Variants in MED12L observed in about 807,000 individuals in gnomAD.
The protein encoded by MED12L is mediator complex subunit 12L, also known as mediator of RNA polymerase II transcription subunit 12-like protein.
A neutral mutation model predicts 281.3 loss-of-function variants in MED12L; 60 were observed. The ratio of observed to expected loss-of-function variants is 0.21; its 90% confidence interval spans 0.17 to 0.26. The LOEUF (loss-of-function observed/expected upper bound fraction) is 0.26. MED12L is among the 10% of genes least tolerant of loss of function. The pLI is 1.00. For synonymous variants in MED12L, 974 were observed against 987.2 expected (o/e 0.99, Z 0.25); for missense variants, 2,146 against 2,680.9 (o/e 0.80, Z 4.41).
chr3:151,319,274 T>G (rs1427007283), intron 16 of MED12L, among the ~76,000 whole-genome samples: 1 of 152,154 alleles, frequency 6.6e-6, no homozygotes, highest in Non-Finnish European at 1.5e-5. Context: ...ACCAGCATAA[T>G]TTTTTTCCTG....
intron 16 of MED12L, among the ~76,000 whole-genome samples, chr3:151,276,165 T>A (rs190574167): frequency 6.6e-6 from 1 of 152,372 alleles, no homozygotes; most frequent in East Asian, 1.9e-4. Flanking sequence ...CAAAACTGAA[T>A]GTGCAACAGA....
At chr3:151,330,184 G>C (rs1324748210) in intron 16 of MED12L, among the ~76,000 whole-genome samples, 2 of 152,164 alleles carry the variant, frequency 1.3e-5, no homozygotes, top group Non-Finnish European at 2.9e-5. Context: ...GTGTTATTAA[G>C]AATGAATTGG....
intron 5 of MED12L, among the ~76,000 whole-genome samples, chr3:151,133,376 C>T (rs558051221): frequency 1.7e-4 from 26 of 152,222 alleles, no homozygotes; most frequent in African/African-American, 6.3e-4. Flanking sequence ...GGTTGCTGCC[C>T]TGGGGAGCTT....
rs1286509603 is a variant in MED12L at position 151,416,486 on chromosome 3, C to T, written c.6408+64C>T. 6.5e-6 allele frequency: 10 copies of T among 1,541,174 alleles called. No individual in the cohort carries two copies. In the Admixed American group the frequency reaches 1.5e-4, roughly 23 times the overall value. ...TTCTTTAAAAGCAGGTTGCATTGTT[C>T]ATGTTCATAAGATTGTTAAGAATCG... On this transcript the variant is annotated intron_variant, in intron 43 of 44. Transcript: ENST00000687756.
In MED12L at chr3:151,436,650, T is replaced by G; in HGVS notation, c.*3846T>G. ...CTTTGATTAAACTTCTTCCAAAAAA[T>G]AAATTCTGCCCAGATGTTGTTGACT... On this transcript the variant is annotated 3_prime_UTR_variant, in exon 45 of 45. Coordinates refer to ENST00000687756, the MANE Select transcript of MED12L (RefSeq NM_001393769.1). 6.2e-6 allele frequency: 9 copies of G among 1,442,140 alleles called. No homozygotes were observed. The highest frequency in any genetic ancestry group is 8.5e-6 in the Non-Finnish European group (9 of 1,062,264). The allele number at this position is 1,442,140 out of a possible 1,614,324, so 89.3% of individuals were successfully genotyped here.
chr3:151,297,665 C>T (rs779979943), intron 16 of MED12L, among the ~76,000 whole-genome samples: 7 of 152,162 alleles, frequency 4.6e-5, no homozygotes, highest in Non-Finnish European at 1.0e-4. Flanking sequence ...GCATACCTAT[C>T]GTGGAGTGCA....
chr3:151,171,992 T>C (rs1183816162), intron 11 of MED12L, among the ~76,000 whole-genome samples: 1 of 152,224 alleles, frequency 6.6e-6, no homozygotes, highest in Non-Finnish European at 1.5e-5. Flanking sequence ...ATTAAAAAGC[T>C]ACTCGGGCAG....
At chr3:151,102,747 A>G (rs1288780225) in intron 2 of MED12L, among the ~76,000 whole-genome samples, 1 of 152,190 alleles carries the variant, frequency 6.6e-6, no homozygotes, top group African/African-American at 2.4e-5. Context: ...TGTTGGGGTT[A>G]TAGACGTGAA....
chr3:151,309,777 C>T lies in MED12L; in HGVS notation c.2251-40282C>T, dbSNP rs912857987. Among the ~76,000 whole-genome samples, 26 of 152,314 alleles carry T rather than the reference C, an allele frequency of 1.7e-4. No homozygotes were observed. In the East Asian group the frequency reaches 2.7e-3, roughly 16 times the overall value. On this transcript the variant is annotated intron_variant, in intron 16 of 44. Transcript: ENST00000687756. Reference sequence around the variant, plus strand: ...TCTCCAGGGTCTAGCAGAGTACCTGCGGGCACAGAGTCAGAGTTCAAAAAC... The same window carrying T: ...TCTCCAGGGTCTAGCAGAGTACCTGTGGGCACAGAGTCAGAGTTCAAAAAC...
At position 151,190,935 on chromosome 3, in the gene MED12L, T is replaced by C. The variant is rs754611662; in HGVS notation, c.1968+4T>C. The C allele has an allele frequency of 6.8e-6, 11 of 1,613,326 alleles. No individual in the cohort carries two copies. Among genetic ancestry groups the C allele is most frequent in the Non-Finnish European group, 9.3e-6 (11 of 1,179,586 alleles). ...GGACCATGATGTGAAAATGGAGGTA[T>C]GGCCCTGGATATGATGCCCCACTCC... On this transcript the variant is annotated splice_donor_region_variant and intron_variant, in intron 14 of 44. Transcript: ENST00000687756.
chr3:151,299,534 A>C (rs899261642), intron 16 of MED12L, among the ~76,000 whole-genome samples: 2 of 149,118 alleles, frequency 1.3e-5, no homozygotes, highest in Admixed American at 1.4e-4. Context: ...GCTGGAGTAC[A>C]GTGGTGCGAT....
chr3:151,369,866 A>T (rs1755969198), intron 26 of MED12L, among the ~76,000 whole-genome samples: 2 of 152,250 alleles, frequency 1.3e-5, no homozygotes, highest in Admixed American at 6.5e-5. Flanking sequence ...CAGAAATCAC[A>T]CTTTGTGAGA....
chr3:151,279,338 G>A (rs537470196), intron 16 of MED12L, among the ~76,000 whole-genome samples: 28 of 152,310 alleles, frequency 1.8e-4, no homozygotes, highest in South Asian at 6.2e-4. Context: ...TGACATGCCC[G>A]TTACTATTCT....
At chr3:151,137,366 C>T (rs1346831015) in intron 5 of MED12L, among the ~76,000 whole-genome samples, 1 of 152,100 alleles carries the variant, frequency 6.6e-6, no homozygotes, top group Non-Finnish European at 1.5e-5. Context: ...TGGGACATCT[C>T]CTTGCTTTCT....
In MED12L at chr3:151,387,864, C is replaced by G. The variant is rs1478176247; in HGVS notation, c.5143C>G (p.Gln1715Glu). Reference protein sequence around the residue: ...KVSPWDLFEGQKNPAPLSWAW... With the variant: ...KVSPWDLFEGEKNPAPLSWAW... ...GTCCCCGTGGGACTTGTTTGAGGGT[C>G]AGAAGAACCCAGCTCCTTTGTCCTG... The change falls in exon 37 of 45, where the codon CAG becomes GAG. Residue 1715 changes from glutamine (Q) to glutamate (E), a missense_variant. Physicochemically the swap from Gln to Glu is conservative, Grantham distance 29 (BLOSUM62 2). Transcript: ENST00000687756. 6.2e-7 allele frequency: 1 copy of G among 1,613,962 alleles called. No homozygotes were observed. Among genetic ancestry groups the G allele is most frequent in the East Asian group, 2.2e-5 (1 of 44,888 alleles).
intron 16 of MED12L, among the ~76,000 whole-genome samples, chr3:151,231,207 A>G (rs1731599176): frequency 6.6e-6 from 1 of 152,224 alleles, no homozygotes; most frequent in Non-Finnish European, 1.5e-5. Context: ...GCTGGCTAGT[A>G]AAGGTAGAAG....
rs754854915 is a variant in MED12L, at chr3:151,122,919, A to G, written c.341A>G (p.His114Arg). Residue 114 changes from histidine (H) to arginine (R), a missense_variant, in exon 4 of 45, where the codon CAT becomes CGT. Physicochemically the swap from His to Arg is conservative, Grantham distance 29 (BLOSUM62 0). Around this residue, in one of 9 missense-constraint regions of MED12L, gnomAD observed 722 missense variants for 861.2 expected, o/e 0.84. Transcript: ENST00000687756. ...ACTGCTCGATCCCAGAGTGCAATTCATAGTTGGTTTTCTGACTTAGCAGGA... is the reference window on the plus strand; with the variant it reads ...ACTGCTCGATCCCAGAGTGCAATTCGTAGTTGGTTTTCTGACTTAGCAGGA... ...LVTARSQSAIHSWFSDLAGNK... is the reference protein window; with the variant it reads ...LVTARSQSAIRSWFSDLAGNK... The G allele has an allele frequency of 1.9e-6, 3 of 1,611,734 alleles. No homozygotes were observed. The highest frequency in any genetic ancestry group is 1.7e-5 in the Admixed American group (1 of 59,626).
At chr3:151,332,566 A>G (rs1369208604) in intron 16 of MED12L, among the ~76,000 whole-genome samples, 4 of 152,356 alleles carry the variant, frequency 2.6e-5, no homozygotes, top group African/African-American at 9.6e-5. Context: ...ATTCACTGCT[A>G]TTTGGAACAT....
chr3:151,250,039 G>A (rs529239662), intron 16 of MED12L, among the ~76,000 whole-genome samples: 31 of 152,210 alleles, frequency 2.0e-4, no homozygotes, highest in Non-Finnish European at 3.5e-4. Flanking sequence ...TCCCTTAAAT[G>A]TGAATCCTCT....
Sources: allele counts gnomAD v4.1 joint callset (sites outside exome capture counted in the v4.1 genomes callset), GRCh38; gene constraint gnomAD v4.1.1; regional missense constraint gnomAD v4.1.1; transcripts MANE v1.5; gene names NCBI Gene and HGNC (gene_info 2026-07-23, HGNC 2026-07-21).